Variants in LGALS8 observed in about 807,000 individuals in gnomAD.
The protein encoded by LGALS8 is galectin-8.
In LGALS8, 30 loss-of-function variants were observed where a neutral mutation model predicts 35.9. The ratio of observed to expected loss-of-function variants is 0.83; its 90% CI spans 0.62 to 1.13. The LOEUF is 1.13. Ranked by LOEUF, LGALS8 falls within the 50% of genes most tolerant of loss-of-function variation. The pLI is 0.00. For missense variants in LGALS8, 366 were observed against 388.7 expected, an observed-to-expected ratio of 0.94 and a Z score of 0.49; for synonymous variants, 138 against 136.1, an observed-to-expected ratio of 1.01 and a Z score of -0.10.
chr1:236,540,472 C>G, intron 4 of LGALS8, 92 bp from the exon 5 acceptor site: 1 of 1,386,454 alleles, frequency 7.2e-7, no homozygotes. Flanking sequence ...TAAAACTGGA[C>G]GCAAGGAAAC....
rs1218581215 is a variant in LGALS8 at position 236,526,234 on chromosome 1, C to T, written c.45+119C>T. On this transcript the variant is annotated intron_variant, in intron 2 of 9. Coordinates refer to ENST00000366584, the MANE Select transcript of LGALS8 (RefSeq NM_201544.4). The surrounding 1 kb of genome is among the most constrained non-coding windows in gnomAD (Gnocchi z 4.6). The stretch of plus-strand genomic sequence containing the variant: ...CCAGTGAACATATTTAAAGCACCTA[C>T]TATGTAATAGAGATGGTGGTGGGTG... 2.9e-6 allele frequency: 2 copies of T among 699,194 alleles called. No individual in the cohort carries two copies. Among genetic ancestry groups the T allele is most frequent in the Non-Finnish European group, 4.9e-6 (2 of 408,664 alleles). 43.3% of individuals were successfully genotyped at this position (699,194 alleles called of 1,614,324 possible).
rs1460402445 is a variant in LGALS8, at chr1:236,548,802, C to CTA, written c.*643_*644dup. 4 of 396,700 alleles carry CTA rather than the reference C, an allele frequency of 1.0e-5. No homozygotes were observed. Among genetic ancestry groups the CTA allele is most frequent in the African/African-American group, 8.2e-5 (4 of 48,578 alleles). The allele number at this position is 396,700 out of a possible 1,614,324, so 24.6% of individuals were successfully genotyped here. ...TCTTTATCGTAATAAACATGTGGCTCTATTAGCTGCAAGCTTTACCAAGTA... is the reference window on the plus strand; with the variant it reads ...TCTTTATCGTAATAAACATGTGGCTCTATATTAGCTGCAAGCTTTACCAAGTA... On this transcript the variant is annotated 3_prime_UTR_variant, in exon 10 of 10. Transcript: ENST00000366584.
rs1377358967 is a variant in LGALS8 at position 236,552,266 on chromosome 1, A to G, written c.*4105A>G. On this transcript the variant is annotated 3_prime_UTR_variant, in exon 10 of 10. Transcript: ENST00000366584. ...CATTAAGCTTTCATCTTAGAATACC[A>G]GTTTCACCATTTGGGAGCTGTTTGT... 2 of 509,134 alleles carry G rather than the reference A, an allele frequency of 3.9e-6. No individual in the cohort carries two copies. The highest frequency in any genetic ancestry group is 3.7e-5 in the Admixed American group (1 of 26,818). 31.5% of individuals were successfully genotyped at this position (509,134 alleles called of 1,614,324 possible). A position where few individuals can be genotyped will look rare whatever the true frequency, so the allele number is the denominator to read the frequency against.
intron 2 of LGALS8, among the ~76,000 whole-genome samples, chr1:236,535,140 CAT>C (rs920380045): frequency 4.3e-5 from 6 of 139,000 alleles, no homozygotes; most frequent in South Asian, 2.3e-4. Context: ...TAAAATGAAA[CAT>C]ATAATTAAAA....
At chr1:236,527,737 T>A (rs1048202058) in intron 2 of LGALS8, among the ~76,000 whole-genome samples, 3 of 152,072 alleles carry the variant, frequency 2.0e-5, no homozygotes, top group Non-Finnish European at 4.4e-5. Flanking sequence ...AATTAATTTT[T>A]TTTTTTTAAT....
At chr1:236,520,044 C>A (rs1268010021), upstream of LGALS8, among the ~76,000 whole-genome samples, 3 of 147,728 alleles carry the variant, frequency 2.0e-5, no homozygotes, top group African/African-American at 7.6e-5. Context: ...GCAACCTCGG[C>A]CTTCTGGGTT....
chr1:236,521,753 G>A (rs1302748952), upstream of LGALS8, among the ~76,000 whole-genome samples: 2 of 151,896 alleles, frequency 1.3e-5, no homozygotes, highest in Admixed American at 6.6e-5. Flanking sequence ...ACTTGAACAC[G>A]GTAGGCAGAG....
intron 4 of LGALS8, among the ~76,000 whole-genome samples, chr1:236,539,815 G>GT (rs1661844025): frequency 6.6e-6 from 1 of 152,212 alleles, no homozygotes; most frequent in African/African-American, 2.4e-5. Context: ...GCCCGTGTCT[G>GT]TATCATTCTT....
At chr1:236,544,938 T>C (rs764691829) in intron 9 of LGALS8, 23 bp downstream of exon 9, 23 of 1,573,136 alleles carry the variant, frequency 1.5e-5, no homozygotes, top group Non-Finnish European at 1.8e-5. Context: ...TTTTTGAAAA[T>C]GGGACAGCAA....
At chr1:236,519,846 C>T (rs868470538), upstream of LGALS8, among the ~76,000 whole-genome samples, 62 of 152,058 alleles carry the variant, frequency 4.1e-4, no homozygotes, top group African/African-American at 1.4e-3. Context: ...AGCTCACAGC[C>T]CATTAGTGGG....
Position 236,550,995 on chromosome 1 carries a change from A to T in LGALS8, c.*2834A>T. The T allele has an allele frequency of 6.8e-7, 1 of 1,468,634 alleles. No individual in the cohort carries two copies. The highest frequency in any genetic ancestry group is 9.1e-7 in the Non-Finnish European group (1 of 1,101,366). The allele number at this position is 1,468,634 out of a possible 1,614,324, so 91.0% of individuals were successfully genotyped here. A position where few individuals can be genotyped will look rare whatever the true frequency, so the allele number is the denominator to read the frequency against. On this transcript the variant is annotated 3_prime_UTR_variant, in exon 10 of 10. Transcript: ENST00000366584. ...GTTCTACTTCTTCACATTCATCTAA[A>T]AAAAAAAAAAAAAAATCAAAATTAA...
At position 236,552,147 on chromosome 1, in the gene LGALS8, TACTGTATTTATTATCTTAAG is replaced by T; in HGVS notation, c.*3988_*4007del. The T allele has an allele frequency of 7.6e-7, 1 of 1,321,980 alleles. No individual in the cohort carries two copies. The highest frequency in any genetic ancestry group is 1.1e-6 in the Non-Finnish European group (1 of 919,216). 81.9% of individuals were successfully genotyped at this position (1,321,980 alleles called of 1,614,324 possible). On this transcript the variant is annotated 3_prime_UTR_variant, in exon 10 of 10. Coordinates refer to ENST00000366584, the MANE Select transcript of LGALS8 (RefSeq NM_201544.4). ...AGAGCAAAGAAATAAAAAGTAGTGTTACTGTATTTATTATCTTAAGAGCTGTACTGACTTGAGACAAGCTC... is the reference window on the plus strand; with the variant it reads ...AGAGCAAAGAAATAAAAAGTAGTGTTAGCTGTACTGACTTGAGACAAGCTC...
Position 236,540,600 on chromosome 1 carries a change from C to A in LGALS8, c.382C>A (p.His128Asn), listed in dbSNP as rs1474681461. The change falls in exon 5 of 10, where the codon CAC (histidine) becomes AAC (asparagine). Residue 128 changes from histidine to asparagine, a missense_variant. By Grantham distance (68) the His-to-Asn change is moderately conservative (BLOSUM62 1). Transcript: ENST00000366584. ...VNGKHTLLYGHRIGPEKIDTL... is the reference protein window; with the variant it reads ...VNGKHTLLYGNRIGPEKIDTL... ...TGGAAAACATACTCTGCTCTATGGCCACAGGATCGGCCCAGAGAAAATAGA... is the reference window on the plus strand; with the variant it reads ...TGGAAAACATACTCTGCTCTATGGCAACAGGATCGGCCCAGAGAAAATAGA... The A allele has an allele frequency of 6.2e-7, 1 of 1,610,648 alleles. No individual in the cohort carries two copies. The highest frequency in any genetic ancestry group is 1.3e-5 in the African/African-American group (1 of 74,794).
At chr1:236,521,384 C>T (rs1367820826), upstream of LGALS8, among the ~76,000 whole-genome samples, 3 of 151,974 alleles carry the variant, frequency 2.0e-5, no homozygotes, top group African/African-American at 7.3e-5. Context: ...GTGTGACAGG[C>T]CTGCTAGGAG....
intron 2 of LGALS8, among the ~76,000 whole-genome samples, chr1:236,529,753 A>G (rs957312586): frequency 1.4e-5 from 2 of 147,312 alleles, no homozygotes; most frequent in Non-Finnish European, 3.0e-5. Flanking sequence ...GGTTCTAGCA[A>G]TTCTCCTGCC....
At chr1:236,531,553 C>A (rs987474779) in intron 2 of LGALS8, among the ~76,000 whole-genome samples, 2 of 152,130 alleles carry the variant, frequency 1.3e-5, no homozygotes, top group East Asian at 3.9e-4. Context: ...TCTCGATCTC[C>A]TGACCTTGTG....
intron 9 of LGALS8, among the ~76,000 whole-genome samples, chr1:236,547,147 C>T (rs75748939): frequency 0.016 from 2,434 of 152,278 alleles, 65 homozygotes; most frequent in East Asian, 0.086. Flanking sequence ...TTCATGGGGG[C>T]GAGGAGCACA....
At chr1:236,528,393 A>C (rs1388294117) in intron 2 of LGALS8, among the ~76,000 whole-genome samples, 4 of 91,990 alleles carry the variant, frequency 4.3e-5, no homozygotes, top group East Asian at 3.0e-4. Flanking sequence ...AAAAAAAAAA[A>C]ACCCCCCCAC....
intron 9 of LGALS8, 132 bp downstream of exon 9, chr1:236,545,047 T>C (rs1662279615): frequency 3.1e-6 from 2 of 642,088 alleles, no homozygotes; most frequent in Admixed American, 7.3e-5. Context: ...ACTTGGAGAT[T>C]GTAATTTGCC....
Sources: allele counts gnomAD v4.1 joint callset (sites outside exome capture counted in the v4.1 genomes callset), GRCh38; gene constraint gnomAD v4.1.1; non-coding constraint Gnocchi (gnomAD v3.1); transcripts MANE v1.5; gene names NCBI Gene and HGNC (gene_info 2026-07-23, HGNC 2026-07-21).